The following EEPD1 variants were observed in gnomAD, a reference collection of about 807,000 sequenced individuals.
The protein encoded by EEPD1 is endonuclease/exonuclease/phosphatase family domain containing 1, also known as endonuclease/exonuclease/phosphatase family domain-containing protein 1.
In EEPD1, 17 loss-of-function variants were observed where a neutral mutation model predicts 46.3. The ratio of observed to expected loss-of-function variants is 0.37; its 90% CI spans 0.25 to 0.55. EEPD1 has a LOEUF of 0.55. Ranked by LOEUF, EEPD1 falls within the 20% of genes least tolerant of loss-of-function variation. EEPD1 has a pLI of 0.83. For missense variants in EEPD1, 673 were observed against 745.6 expected (o/e 0.90, Z 1.13); for synonymous variants, 313 against 315.6 (o/e 0.99, Z 0.09).
chr7:36,284,884 T>A (rs1583478678), intron 5 of EEPD1, 64 bp downstream of exon 5: 1 of 1,429,052 alleles, frequency 7.0e-7, no homozygotes, highest in Non-Finnish European at 9.2e-7. Context: ...AGAAAAGGGC[T>A]CATTTTGTAA....
rs111320816 is a variant in EEPD1 at position 36,284,724 on chromosome 7, C to G, written c.1080C>G (p.Ala360=). Residue 360 remains alanine, a synonymous_variant, in exon 5 of 8, where the codon GCC becomes GCG. Transcript: ENST00000242108. ...GYAGFLWDAA[A]GMELRDAGSQ... Reference sequence around the variant, plus strand: ...CAGGATTCCTATGGGACGCGGCTGCCGGCATGGAGCTGAGAGACGCGGGTT... The same window carrying G: ...CAGGATTCCTATGGGACGCGGCTGCGGGCATGGAGCTGAGAGACGCGGGTT... The G allele has an allele frequency of 1.1e-5, 18 of 1,610,880 alleles. No homozygotes were observed. Among genetic ancestry groups the G allele is most frequent in the Non-Finnish European group, 1.5e-5 (18 of 1,178,614 alleles).
At chr7:36,181,089 T>A (rs1785263352) in intron 2 of EEPD1, among the ~76,000 whole-genome samples, 1 of 152,172 alleles carries the variant, frequency 6.6e-6, no homozygotes, top group Non-Finnish European at 1.5e-5. Context: ...GCCTGGAGAA[T>A]GTGCATTTGA....
chr7:36,155,337 A>C, intron 2 of EEPD1, 135 bp downstream of exon 2: 1 of 1,087,972 alleles, frequency 9.2e-7, no homozygotes, highest in Non-Finnish European at 1.2e-6. Flanking sequence ...TTGAAGCCTC[A>C]GCCAATACCG....
At chr7:36,285,129 A>T (rs1427760876) in intron 5 of EEPD1, among the ~76,000 whole-genome samples, 1 of 152,098 alleles carries the variant, frequency 6.6e-6, no homozygotes, top group African/African-American at 2.4e-5. Context: ...AGATTTTCCT[A>T]CAGTCAGGGA....
chr7:36,205,976 GGGCGCTGTGTCTTCCATTCACACACC>G (rs1785809615), intron 2 of EEPD1, among the ~76,000 whole-genome samples: 1 of 152,162 alleles, frequency 6.6e-6, no homozygotes, highest in Admixed American at 6.5e-5. Context: ...GCGGAATTGA[GGGCGCTGTGTCTTCCATTCACACACC>G]GGCCCTGTGT....
At chr7:36,262,893 GAGAC>G (rs907734143) in intron 3 of EEPD1, among the ~76,000 whole-genome samples, 4 of 152,096 alleles carry the variant, frequency 2.6e-5, no homozygotes, top group African/African-American at 9.7e-5. Context: ...TTATTTTAGA[GAGAC>G]AGTTTTACAA....
intron 2 of EEPD1, among the ~76,000 whole-genome samples, chr7:36,238,106 G>T (rs1363522840): frequency 2.0e-5 from 3 of 152,182 alleles, no homozygotes; most frequent in Non-Finnish European, 2.9e-5. Context: ...ACTTCCTGAC[G>T]CTGCTATGGC....
intron 2 of EEPD1, among the ~76,000 whole-genome samples, chr7:36,168,355 A>C (rs1170845982): frequency 2.0e-5 from 3 of 152,232 alleles, no homozygotes; most frequent in Non-Finnish European, 4.4e-5. Context: ...AGCTGACTTG[A>C]ATGAAGTGAC....
intron 2 of EEPD1, among the ~76,000 whole-genome samples, chr7:36,161,903 A>ATC (rs1784905585): frequency 1.4e-5 from 2 of 145,046 alleles, no homozygotes; most frequent in African/African-American, 2.8e-5. Flanking sequence ...CTCTCAAAAA[A>ATC]AAAAAAAAAA....
chr7:36,277,759 C>T lies in EEPD1; in HGVS notation c.931-3356C>T, dbSNP rs540191026. 5.3e-5 allele frequency among the ~76,000 whole-genome samples: 8 copies of T among 152,240 alleles called. No individual in the cohort carries two copies. The East Asian group carries it at 1.5e-3, about 29-fold the overall frequency. On this transcript the variant is annotated intron_variant, in intron 3 of 7. Coordinates refer to ENST00000242108, the MANE Select transcript of EEPD1 (RefSeq NM_030636.3). ...GCTTGTAGCCATAAACACTTATCTC[C>T]CTCGTCGCTCAAGTTATTAACTATC...
At chr7:36,297,644 A>T (rs1485376814) in intron 7 of EEPD1, among the ~76,000 whole-genome samples, 1 of 152,214 alleles carries the variant, frequency 6.6e-6, no homozygotes, top group Non-Finnish European at 1.5e-5. Flanking sequence ...TTTGTCAAAC[A>T]TGCAAGTGTT....
intron 2 of EEPD1, among the ~76,000 whole-genome samples, chr7:36,165,186 C>T (rs1461307392): frequency 6.6e-6 from 1 of 152,158 alleles, no homozygotes; most frequent in African/African-American, 2.4e-5. Flanking sequence ...AAGATCCATT[C>T]ATGGCAAGTG....
At chr7:36,174,926 C>A (rs1009963779) in intron 2 of EEPD1, among the ~76,000 whole-genome samples, 2 of 152,142 alleles carry the variant, frequency 1.3e-5, no homozygotes, top group Non-Finnish European at 2.9e-5. Flanking sequence ...GGGCAGCCTC[C>A]CAAGCCAGAG....
At chr7:36,161,271 T>C (rs1317120396) in intron 2 of EEPD1, among the ~76,000 whole-genome samples, 1 of 152,218 alleles carries the variant, frequency 6.6e-6, no homozygotes, top group Non-Finnish European at 1.5e-5. Flanking sequence ...GGTCGGGGGC[T>C]CACCGTCTCA....
At chr7:36,244,145 T>A (rs1230196532) in intron 3 of EEPD1, among the ~76,000 whole-genome samples, 1 of 152,184 alleles carries the variant, frequency 6.6e-6, no homozygotes, top group African/African-American at 2.4e-5. Flanking sequence ...AAACCTCTTT[T>A]ACTGTCATGC....
chr7:36,230,427 T>G (rs1035780045), intron 2 of EEPD1, among the ~76,000 whole-genome samples: 24 of 152,170 alleles, frequency 1.6e-4, no homozygotes, highest in African/African-American at 5.3e-4. Flanking sequence ...CAGCCCCACC[T>G]GTTTCTGCAG....
rs544584340 is a variant in EEPD1, at chr7:36,299,576, C to G, written c.*370C>G. On this transcript the variant is annotated 3_prime_UTR_variant, in exon 8 of 8. Transcript: ENST00000242108. The stretch of plus-strand genomic sequence containing the variant: ...GCTCAGGCTGCGGGCCACAGTCCAG[C>G]AGCGCCAGAAGCACTCATTTCTGAC... The G allele has an allele frequency of 9.5e-5, 26 of 274,106 alleles. No homozygotes were observed. The highest frequency in any genetic ancestry group is 4.8e-4 in the African/African-American group (22 of 46,014). The allele number at this position is 274,106 out of a possible 1,614,324, so 17.0% of individuals were successfully genotyped here.
chr7:36,183,491 T>C (rs730580), intron 2 of EEPD1, among the ~76,000 whole-genome samples: 75,123 of 151,808 alleles, frequency 0.49, 19,521 homozygotes, highest in East Asian at 0.62. Context: ...AGGGATGTTG[T>C]CAAAACTGCC....
intron 2 of EEPD1, among the ~76,000 whole-genome samples, chr7:36,217,391 G>T (rs556575342): frequency 8.9e-4 from 135 of 152,348 alleles, no homozygotes; most frequent in South Asian, 7.0e-3. Context: ...TAATTAGTGT[G>T]TAACGAGTAG....
Sources: gnomAD v4.1 joint callset for allele counts (sites outside exome capture counted in the v4.1 genomes callset) on GRCh38, gnomAD v4.1.1 for gene constraint, MANE v1.5 for transcripts, NCBI Gene and HGNC (gene_info 2026-07-23, HGNC 2026-07-21) for gene names.